MYLK: variants seen among roughly 807,000 people sequenced by gnomAD.
MYLK encodes the protein myosin light chain kinase, smooth muscle.
MYLK carries 106 observed loss-of-function variants against 203.4 expected under a neutral mutation model. That is an observed-to-expected ratio of 0.52 (90% confidence interval 0.45 to 0.61). The LOEUF (loss-of-function observed/expected upper bound fraction) is 0.61, where lower values mean the gene tolerates loss of function less well. MYLK is among the 20% of genes least tolerant of loss of function. The pLI is 0.00. For missense variants in MYLK, 2,072 were observed against 2,442.3 expected, an observed-to-expected ratio of 0.85 and a Z score of 3.20; for synonymous variants, 867 against 959.5, an observed-to-expected ratio of 0.90 and a Z score of 1.78.
intron 19 of MYLK, among the ~76,000 whole-genome samples, chr3:123,686,700 C>G (rs945439110): frequency 1.3e-5 from 2 of 152,116 alleles, no homozygotes; most frequent in Non-Finnish European, 2.9e-5. Context: ...CAAGGAAAAC[C>G]GAAATAACAT....
In MYLK at chr3:123,689,022, A is replaced by G. The variant is rs561003497; in HGVS notation, c.3565+3713T>C. ...ATTTACTGTTTTAAAACCAGCTCCT[A>G]TGGCAGTGCCTGGCACAGAGTGGGC... On this transcript the variant is annotated intron_variant, in intron 19 of 33. Transcript: ENST00000360304. Among the ~76,000 whole-genome samples, 13 of 152,280 alleles carry G rather than the reference A, an allele frequency of 8.5e-5. No homozygotes were observed. The South Asian group carries it at 1.9e-3, about 22-fold the overall frequency.
At chr3:123,839,585 G>C (rs1234579265) in intron 2 of MYLK, among the ~76,000 whole-genome samples, 3 of 152,142 alleles carry the variant, frequency 2.0e-5, no homozygotes, top group African/African-American at 7.2e-5. Context: ...CCTGAAAGGA[G>C]AACTAGGAAA....
At chr3:123,693,196 C>G (rs1049584382) in intron 18 of MYLK, among the ~76,000 whole-genome samples, 7 of 152,204 alleles carry the variant, frequency 4.6e-5, no homozygotes, top group African/African-American at 1.7e-4. Context: ...CACACAGGCC[C>G]TGCCCCCTGG....
At position 123,647,563 on chromosome 3, in the gene MYLK, C is replaced by T. The variant is rs2059064845; in HGVS notation, c.4416-136G>A. ...AGTAAGGTGTTACTGGAGCACAGCC[C>T]TGCCTGGCTGTTTGCATGTTGTCTA... On this transcript the variant is annotated intron_variant, in intron 26 of 33. Transcript: ENST00000360304. 4.0e-6 allele frequency: 3 copies of T among 757,924 alleles called. No homozygotes were observed. The Admixed American group carries it at 6.2e-5, about 16-fold the overall frequency. 46.9% of individuals were successfully genotyped at this position (757,924 alleles called of 1,614,324 possible). A position where few individuals can be genotyped will look rare whatever the true frequency, so the allele number is the denominator to read the frequency against.
intron 23 of MYLK, among the ~76,000 whole-genome samples, chr3:123,663,404 G>C (rs758650675): frequency 6.6e-6 from 1 of 152,122 alleles, no homozygotes; most frequent in South Asian, 2.1e-4. Context: ...ATGGGGCGTG[G>C]GGGTGAGGCC....
At chr3:123,793,286 C>A (rs1480555293) in intron 4 of MYLK, among the ~76,000 whole-genome samples, 1 of 152,160 alleles carries the variant, frequency 6.6e-6, no homozygotes, top group Non-Finnish European at 1.5e-5. Context: ...TCTCCTTCCA[C>A]GGAAAAAGCA....
At chr3:123,719,462 GTAT>G (rs2062015471) in intron 13 of MYLK, among the ~76,000 whole-genome samples, 6 of 152,238 alleles carry the variant, frequency 3.9e-5, no homozygotes, top group Admixed American at 2.6e-4. Flanking sequence ...TGTAAGGATT[GTAT>G]CTTGTTTAAA....
intron 2 of MYLK, among the ~76,000 whole-genome samples, chr3:123,840,404 A>G (rs1185756987): frequency 6.6e-6 from 1 of 150,680 alleles, no homozygotes; most frequent in Admixed American, 6.6e-5. Context: ...GAATCCATAT[A>G]TATAGAACAA....
intron 3 of MYLK, among the ~76,000 whole-genome samples, chr3:123,820,082 C>G (rs1003635228): frequency 1.2e-4 from 19 of 152,208 alleles, no homozygotes; most frequent in African/African-American, 4.6e-4. Context: ...TCATCCTTCA[C>G]TGAGAGCACA....
At chr3:123,724,857 G>A (rs1224093862) in intron 12 of MYLK, among the ~76,000 whole-genome samples, 2 of 152,088 alleles carry the variant, frequency 1.3e-5, no homozygotes, top group African/African-American at 2.4e-5. Context: ...CGATTCTCCT[G>A]CCTAGCCTCC....
At chr3:123,807,096 C>A (rs1163966511) in intron 3 of MYLK, among the ~76,000 whole-genome samples, 1 of 152,124 alleles carries the variant, frequency 6.6e-6, no homozygotes, top group Non-Finnish European at 1.5e-5. Flanking sequence ...ACTTCAAATC[C>A]AACTTGGCAA....
At chr3:123,764,276 T>C (rs754233611) in intron 4 of MYLK, among the ~76,000 whole-genome samples, 1 of 152,210 alleles carries the variant, frequency 6.6e-6, no homozygotes, top group African/African-American at 2.4e-5. Flanking sequence ...GATGATCCTT[T>C]ACTGATTTTT....
At position 123,874,292 on chromosome 3, in the gene MYLK, G is replaced by T. The variant is rs553248824; in HGVS notation, c.-127+2267C>A. On this transcript the variant is annotated intron_variant, in intron 2 of 33. Coordinates refer to ENST00000360304, the MANE Select transcript of MYLK (RefSeq NM_053025.4). ...TCAATACAGTGTGGTATTGTTGAAA[G>T]AATAAACACATAAATCAATGGGACA... is the stretch of plus-strand genomic sequence containing the variant. Among the ~76,000 whole-genome samples, 11 of 152,238 alleles carry T rather than the reference G, an allele frequency of 7.2e-5. No homozygotes were observed. In the South Asian group the frequency reaches 2.3e-3, roughly 32 times the overall value.
At chr3:123,852,511 T>C (rs932698327) in intron 2 of MYLK, among the ~76,000 whole-genome samples, 1 of 152,194 alleles carries the variant, frequency 6.6e-6, no homozygotes, top group African/African-American at 2.4e-5. Flanking sequence ...TCTAGTTTAT[T>C]TGTGTAGAGG....
intron 30 of MYLK, 57 bp from the exon 31 acceptor site, chr3:123,626,998 G>A (rs1401197972): frequency 1.2e-6 from 2 of 1,608,500 alleles, no homozygotes; most frequent in African/African-American, 2.7e-5. Flanking sequence ...AGAGACCACT[G>A]GTTAGTTCAG....
chr3:123,803,886 A>G (rs1007549023), intron 3 of MYLK, among the ~76,000 whole-genome samples: 7 of 152,204 alleles, frequency 4.6e-5, no homozygotes, highest in African/African-American at 1.7e-4. Context: ...TCCCAGGTGG[A>G]GCCCTCTGAT....
At chr3:123,692,879 C>G (rs1332509913) in intron 18 of MYLK, 28 bp from the exon 19 acceptor site, 1 of 1,592,374 alleles carries the variant, frequency 6.3e-7, no homozygotes, top group African/African-American at 1.3e-5. Context: ...TGGAGTGAAC[C>G]AGGTGTGGTC....
chr3:123,773,924 C>T (rs1042338086), intron 4 of MYLK, among the ~76,000 whole-genome samples: 1 of 152,220 alleles, frequency 6.6e-6, no homozygotes, highest in Non-Finnish European at 1.5e-5. Flanking sequence ...TGGCAAACTC[C>T]TGGCTTAACT....
intron 20 of MYLK, among the ~76,000 whole-genome samples, chr3:123,670,034 C>CAAAAAAA (rs57445681): frequency 2.4e-4 from 9 of 37,006 alleles, no homozygotes; most frequent in East Asian, 1.7e-3. Flanking sequence ...GACTCCATCT[C>CAAAAAAA]AAAAAAAAAA....
Sources: gnomAD v4.1 joint callset for allele counts (sites outside exome capture counted in the v4.1 genomes callset) on GRCh38, gnomAD v4.1.1 for gene constraint, MANE v1.5 for transcripts, NCBI Gene and HGNC (gene_info 2026-07-23, HGNC 2026-07-21) for gene names.